The following FAM124B variants were observed in gnomAD, a reference collection of about 807,000 sequenced individuals.
FAM124B encodes family with sequence similarity 124 member B.
FAM124B carries 18 observed loss-of-function variants against 19.7 expected under a neutral mutation model. The ratio of observed to expected loss-of-function variants is 0.92; its 90% CI spans 0.63 to 1.36. FAM124B has a LOEUF of 1.36. Among genes scored for constraint, FAM124B ranks in the 40% most tolerant of loss-of-function variants. FAM124B has a pLI of 0.00. For synonymous variants in FAM124B, 223 were observed against 225.2 expected, an observed-to-expected ratio of 0.99 and a Z score of 0.09; for missense variants, 540 against 553.3, an observed-to-expected ratio of 0.98 and a Z score of 0.24.
At chr2:224,394,240 T>C (rs569279434) in intron 1 of FAM124B, among the ~76,000 whole-genome samples, 1 of 152,202 alleles carries the variant, frequency 6.6e-6, no homozygotes, top group Non-Finnish European at 1.5e-5. Context: ...ATGTTGATCC[T>C]TTCCAGGGCT....
chr2:224,386,001 T>A (rs1689795776), intron 1 of FAM124B, among the ~76,000 whole-genome samples: 1 of 152,168 alleles, frequency 6.6e-6, no homozygotes, highest in Non-Finnish European at 1.5e-5. Flanking sequence ...GAGGATTGGA[T>A]CACACCACAC....
At chr2:224,387,428 C>A (rs1032512531) in intron 1 of FAM124B, among the ~76,000 whole-genome samples, 5 of 152,008 alleles carry the variant, frequency 3.3e-5, no homozygotes, top group African/African-American at 4.8e-5. Flanking sequence ...AAGAAGATAG[C>A]AAGAGAGAAT....
In FAM124B at chr2:224,380,125, G is replaced by A; in HGVS notation, c.816C>T (p.Val272=). Residue 272 remains valine, a synonymous_variant, in exon 2 of 2, where the codon GTC becomes GTT. Coordinates refer to ENST00000409685, the MANE Select transcript of FAM124B (RefSeq NM_001122779.2). The stretch of plus-strand genomic sequence containing the variant: ...TGGGTTCTGAGGTCCTCTTTGCAGA[G>A]ACAGAAGTCAGCCTGGAGCCCAGGG... ...MLPLGSRLTS[V]SAKRTSEPRS... is the part of the protein sequence containing the mutation. 1 of 1,551,658 alleles carries A rather than the reference G, an allele frequency of 6.4e-7. No individual in the cohort carries two copies. Among genetic ancestry groups the A allele is most frequent in the Non-Finnish European group, 8.7e-7 (1 of 1,146,992 alleles).
In FAM124B at chr2:224,379,473, C is replaced by T. The variant is rs1553584475; in HGVS notation, c.*100G>A. 3 of 1,401,112 alleles carry T rather than the reference C, an allele frequency of 2.1e-6. No individual in the cohort carries two copies. The highest frequency in any genetic ancestry group is 2.5e-5 in the East Asian group (1 of 39,844). The allele number at this position is 1,401,112 out of a possible 1,614,324, so 86.8% of individuals were successfully genotyped here. On this transcript the variant is annotated 3_prime_UTR_variant, in exon 2 of 2. Transcript: ENST00000409685. ...GATTGTGCATGGGGAGCATTCAGCC[C>T]CCCTCAGATGAACAACTAACAGGCT...
In FAM124B at chr2:224,401,468, C is replaced by T. The variant is rs776874463; in HGVS notation, c.301G>A (p.Asp101Asn). The change falls in exon 1 of 2, where the codon GAC (aspartate) becomes AAC (asparagine). Residue 101 changes from aspartate (D) to asparagine (N), a missense_variant. By Grantham distance (23) the Asp-to-Asn change is conservative (BLOSUM62 1). Transcript: ENST00000409685. ...HSPWQCYPTQ[D>N]TRGRLCPYFF... ...TAGGGACACAGCCTTCCCCGAGTGT[C>T]CTGGGTGGGGTAGCACTGCCATGGC... 5 of 1,613,976 alleles carry T rather than the reference C, an allele frequency of 3.1e-6. No individual in the cohort carries two copies. Among genetic ancestry groups the T allele is most frequent in the African/African-American group, 1.3e-5 (1 of 74,884 alleles).
chr2:224,397,297 T>G (rs1689988972), intron 1 of FAM124B, among the ~76,000 whole-genome samples: 1 of 152,170 alleles, frequency 6.6e-6, no homozygotes, highest in African/African-American at 2.4e-5. Context: ...CTGCTATCCA[T>G]GTAAGATGTG....
Position 224,401,421 on chromosome 2 carries a change from G to A in FAM124B, c.348C>T (p.Phe116=). The change falls in exon 1 of 2, where the codon TTC becomes TTT. Residue 116 remains phenylalanine, a synonymous_variant. Coordinates refer to ENST00000409685, the MANE Select transcript of FAM124B (RefSeq NM_001122779.2). ...LCPYFFANQE[F]YSLDSQLPIW... ...TGGGCAGCTGACTGTCCAGGCTGTA[G>A]AACTCCTGATTGGCAAAAAAGTAGG... 1 of 1,614,084 alleles carries A rather than the reference G, an allele frequency of 6.2e-7. No homozygotes were observed. The highest frequency in any genetic ancestry group is 8.5e-7 in the Non-Finnish European group (1 of 1,180,008).
At chr2:224,381,442 A>G (rs1689714768) in intron 1 of FAM124B, among the ~76,000 whole-genome samples, 1 of 151,948 alleles carries the variant, frequency 6.6e-6, no homozygotes, top group Non-Finnish European at 1.5e-5. Flanking sequence ...GGTGACAGAG[A>G]GAGACTATAT....
At chr2:224,398,220 C>T (rs967315004) in intron 1 of FAM124B, among the ~76,000 whole-genome samples, 2 of 152,134 alleles carry the variant, frequency 1.3e-5, no homozygotes, top group African/African-American at 2.4e-5. Flanking sequence ...GCTTCAGCCT[C>T]CCGAGTAGCT....
intron 1 of FAM124B, among the ~76,000 whole-genome samples, chr2:224,392,856 A>C (rs1245855253): frequency 6.6e-6 from 1 of 152,194 alleles, no homozygotes; most frequent in South Asian, 2.1e-4. Context: ...AGACCTTAGA[A>C]ATAACCTAGG....
intron 1 of FAM124B, among the ~76,000 whole-genome samples, chr2:224,387,862 T>C (rs1373032850): frequency 3.9e-5 from 6 of 152,170 alleles, no homozygotes. Context: ...CATAAATTAC[T>C]TACTTGCAGA....
chr2:224,382,405 C>A (rs911434700), intron 1 of FAM124B, among the ~76,000 whole-genome samples: 1 of 106,390 alleles, frequency 9.4e-6, no homozygotes. Context: ...GATTCCCTGT[C>A]TTTTTTTTTT....
At chr2:224,382,038 G>A (rs1689727946) in intron 1 of FAM124B, among the ~76,000 whole-genome samples, 1 of 152,108 alleles carries the variant, frequency 6.6e-6, no homozygotes. Context: ...TCAATTTTCT[G>A]ATAGAAATGG....
chr2:224,383,006 C>T (rs1251126114), intron 1 of FAM124B, among the ~76,000 whole-genome samples: 1 of 152,172 alleles, frequency 6.6e-6, no homozygotes, highest in East Asian at 1.9e-4. Context: ...CTTCCACCAG[C>T]ATCAGATACT....
chr2:224,398,992 A>C (rs1275576215), intron 1 of FAM124B, among the ~76,000 whole-genome samples: 1 of 152,186 alleles, frequency 6.6e-6, no homozygotes, highest in Non-Finnish European at 1.5e-5. Context: ...CAAAAGAGTG[A>C]GGGGCTGATG....
intron 1 of FAM124B, among the ~76,000 whole-genome samples, chr2:224,386,860 A>G (rs1461690409): frequency 6.6e-6 from 1 of 152,248 alleles, no homozygotes; most frequent in Non-Finnish European, 1.5e-5. Context: ...TGTAGCACCT[A>G]TAAACTAGGC....
chr2:224,386,164 C>T (rs1483079568), intron 1 of FAM124B, among the ~76,000 whole-genome samples: 1 of 152,218 alleles, frequency 6.6e-6, no homozygotes, highest in Non-Finnish European at 1.5e-5. Flanking sequence ...TACTGTCTGC[C>T]TCTTCTTATA....
chr2:224,400,909 AATTT>A, intron 1 of FAM124B, 124 bp downstream of exon 1: 1 of 1,265,148 alleles, frequency 7.9e-7, no homozygotes, highest in Non-Finnish European at 1.1e-6. Flanking sequence ...CTGGGGTGGG[AATTT>A]ATGAAAGACC....
chr2:224,379,309 G>A lies in FAM124B; in HGVS notation c.*264C>T. The A allele has an allele frequency of 2.4e-6, 1 of 411,408 alleles. No individual in the cohort carries two copies. The highest frequency in any genetic ancestry group is 4.4e-6 in the Non-Finnish European group (1 of 229,808). 25.5% of individuals were successfully genotyped at this position (411,408 alleles called of 1,614,324 possible). ...GTGCTGGATTCAACACATCCAGCTG[G>A]GTTAGTGCATCTCCACGGAACAAAA... is the stretch of plus-strand genomic sequence containing the variant. On this transcript the variant is annotated 3_prime_UTR_variant, in exon 2 of 2. Transcript: ENST00000409685.
Sources: allele counts gnomAD v4.1 joint callset (sites outside exome capture counted in the v4.1 genomes callset), GRCh38; gene constraint gnomAD v4.1.1; transcripts MANE v1.5; gene names NCBI Gene and HGNC (gene_info 2026-07-23, HGNC 2026-07-21).